YIPF7: variants seen among roughly 807,000 people sequenced by gnomAD.
The protein encoded by YIPF7 is Yip1 domain family member 7.
A neutral mutation model predicts 27.2 loss-of-function variants in YIPF7; 35 were observed. That is an observed-to-expected ratio of 1.29 (90% confidence interval 0.98 to 1.70). The LOEUF (loss-of-function observed/expected upper bound fraction) is 1.70. Ranked by LOEUF, YIPF7 falls within the 40% of genes most tolerant of loss-of-function variation. The pLI, the probability that YIPF7 is intolerant of heterozygous loss-of-function variation, is 0.00. For missense variants in YIPF7, 358 were observed against 303.7 expected (o/e 1.18, Z -1.33); for synonymous variants, 137 against 110.4 (o/e 1.24, Z -1.51).
chr4:44,624,086 G>A (rs140843878), intron 5 of YIPF7, among the ~76,000 whole-genome samples: 12,535 of 146,432 alleles, frequency 0.086, 1,334 homozygotes, highest in African/African-American at 0.26. Flanking sequence ...TTATTTTGAG[G>A]TGGAGTTTCA....
Position 44,636,052 on chromosome 4 carries a change from G to A in YIPF7, c.150C>T (p.Ser50=). The change falls in exon 3 of 6, where the codon TCC becomes TCT. Residue 50 remains serine, a synonymous_variant. Coordinates refer to ENST00000415895, the MANE Select transcript of YIPF7 (RefSeq NM_182592.3). The part of the protein sequence containing the change: ...QQAGEQPQPA[S]FVPSEMLMSS... ...ACATGAGCATCTCTGATGGAACAAA[G>A]GAGGCAGGCTGAGGCTGCTCACCAG... The A allele has an allele frequency of 6.2e-7, 1 of 1,613,326 alleles. No individual in the cohort carries two copies.
intron 2 of YIPF7, among the ~76,000 whole-genome samples, chr4:44,648,712 G>A (rs529798791): frequency 2.6e-4 from 39 of 152,104 alleles, no homozygotes; most frequent in Admixed American, 9.8e-4. Flanking sequence ...TGTTTATATA[G>A]TGGTTTTACT....
At chr4:44,643,824 C>T (rs1048182948) in intron 2 of YIPF7, among the ~76,000 whole-genome samples, 2 of 152,096 alleles carry the variant, frequency 1.3e-5, no homozygotes, top group African/African-American at 4.8e-5. Flanking sequence ...TGCAGGGGCA[C>T]AGAGTGCAAG....
intron 4 of YIPF7, among the ~76,000 whole-genome samples, chr4:44,627,485 A>T (rs1712702880): frequency 6.6e-6 from 1 of 152,158 alleles, no homozygotes; most frequent in African/African-American, 2.4e-5. Context: ...AGCCGGTAAA[A>T]TCACTCTTAC....
intron 3 of YIPF7, among the ~76,000 whole-genome samples, chr4:44,634,451 G>C (rs568002915): frequency 1.9e-3 from 283 of 152,186 alleles, no homozygotes; most frequent in Non-Finnish European, 2.4e-3. Flanking sequence ...AGGATCGCTT[G>C]AACCCGGGAG....
intron 5 of YIPF7, 106 bp from the exon 6 acceptor site, chr4:44,622,682 C>T (rs543227451): frequency 1.2e-4 from 161 of 1,360,004 alleles, no homozygotes; most frequent in Non-Finnish European, 1.4e-4. Flanking sequence ...ACTACTTTCC[C>T]GAGTGGTAAA....
chr4:44,653,603 T>C (rs1713804156), upstream of YIPF7, among the ~76,000 whole-genome samples: 1 of 152,030 alleles, frequency 6.6e-6, no homozygotes, highest in Non-Finnish European at 1.5e-5. Flanking sequence ...ATACAGAAGA[T>C]ATTTGGGAAA....
chr4:44,656,853 T>A (rs74618879), intron 2 of YIPF7, among the ~76,000 whole-genome samples: 2 of 152,080 alleles, frequency 1.3e-5, no homozygotes, highest in South Asian at 4.1e-4. Context: ...AAAATAAAAT[T>A]TCTAATAAGA....
chr4:44,652,910 T>G (rs1208713905), upstream of YIPF7, among the ~76,000 whole-genome samples: 1 of 152,114 alleles, frequency 6.6e-6, no homozygotes, highest in African/African-American at 2.4e-5. Context: ...AAAAAGCCAA[T>G]GTTTGAAAGC....
chr4:44,626,763 C>CTTTTTTTTTTTTTTTTTTTTTTTTTTT (rs71190269), intron 4 of YIPF7, among the ~76,000 whole-genome samples: 1 of 69,768 alleles, frequency 1.4e-5, no homozygotes, highest in African/African-American at 6.0e-5. Flanking sequence ...ATTAGCACAT[C>CTTTTTTTTTTTTTTTTTTTTTTTTTTT]TTTTTTTTTT....
Position 44,651,577 on chromosome 4 carries a change from A to C in YIPF7, c.-25T>G, listed in dbSNP as rs1713740336. ...ACCTCTGTTTATTTTTTATAGAAAGATCCTCCAGTAAATGTAGCTTTGTGT... is the reference window on the plus strand; with the variant it reads ...ACCTCTGTTTATTTTTTATAGAAAGCTCCTCCAGTAAATGTAGCTTTGTGT... On this transcript the variant is annotated 5_prime_UTR_variant, in exon 1 of 6. Coordinates refer to ENST00000415895, the MANE Select transcript of YIPF7 (RefSeq NM_182592.3). The C allele has an allele frequency of 6.3e-7, 1 of 1,585,282 alleles. No homozygotes were observed. Among genetic ancestry groups the C allele is most frequent in the Non-Finnish European group, 8.6e-7 (1 of 1,164,802 alleles).
intron 3 of YIPF7, among the ~76,000 whole-genome samples, chr4:44,631,450 A>G (rs535237924): frequency 4.6e-5 from 7 of 152,316 alleles, no homozygotes; most frequent in Admixed American, 6.5e-5. Flanking sequence ...AGACTACAAC[A>G]TGGACTTCTA....
At chr4:44,624,077 T>A (rs1270014833) in intron 5 of YIPF7, among the ~76,000 whole-genome samples, 2 of 150,360 alleles carry the variant, frequency 1.3e-5, no homozygotes, top group African/African-American at 2.4e-5. Flanking sequence ...TTTTTTTTTT[T>A]ATTTTGAGGT....
rs774472176 is a variant in YIPF7, at chr4:44,629,356, C to T, written c.426+47G>A. On this transcript the variant is annotated intron_variant, in intron 4 of 5. Transcript: ENST00000415895. ...TATACAGATTGCTTCAAAGCCAGCA[C>T]TGGAAAGGACAAGCATTAAAATCTG... is the stretch of plus-strand genomic sequence containing the variant. The T allele has an allele frequency of 2.0e-6, 3 of 1,512,914 alleles. No homozygotes were observed. In the African/African-American group the frequency reaches 4.2e-5, roughly 21 times the overall value. 93.7% of individuals were successfully genotyped at this position (1,512,914 alleles called of 1,614,324 possible). A position where few individuals can be genotyped will look rare whatever the true frequency, so the allele number is the denominator to read the frequency against.
intron 2 of YIPF7, among the ~76,000 whole-genome samples, chr4:44,645,569 T>C (rs1441743384): frequency 2.0e-5 from 3 of 152,198 alleles, no homozygotes; most frequent in African/African-American, 4.8e-5. Context: ...AAAATGTAAC[T>C]CTTCTCCTGT....
At chr4:44,639,945 T>C (rs1160040785) in intron 2 of YIPF7, among the ~76,000 whole-genome samples, 1 of 152,216 alleles carries the variant, frequency 6.6e-6, no homozygotes, top group Non-Finnish European at 1.5e-5. Flanking sequence ...TCCATTGAGA[T>C]AATCATATGT....
chr4:44,642,935 T>C (rs775745587), intron 2 of YIPF7, among the ~76,000 whole-genome samples: 2 of 152,146 alleles, frequency 1.3e-5, no homozygotes, highest in African/African-American at 2.4e-5. Context: ...TTTATAGTAG[T>C]GTAAGAATGG....
intron 3 of YIPF7, among the ~76,000 whole-genome samples, chr4:44,633,550 A>C (rs1477907036): frequency 1.3e-5 from 2 of 152,200 alleles, no homozygotes; most frequent in East Asian, 3.8e-4. Context: ...AAATGTGAGC[A>C]TCTATAAGGA....
chr4:44,659,852 G>A (rs1379743890), intron 2 of YIPF7, among the ~76,000 whole-genome samples: 2 of 151,898 alleles, frequency 1.3e-5, no homozygotes, highest in African/African-American at 2.4e-5. Context: ...GGTGGCTCAC[G>A]CCTATAATCC....
Sources: allele counts gnomAD v4.1 joint callset (sites outside exome capture counted in the v4.1 genomes callset), GRCh38; gene constraint gnomAD v4.1.1; transcripts MANE v1.5; gene names NCBI Gene and HGNC (gene_info 2026-07-23, HGNC 2026-07-21).